Variants in LPP observed in about 807,000 individuals in gnomAD.
LPP encodes the protein lipoma-preferred partner.
LPP carries 38 observed loss-of-function variants against 60.4 expected under a neutral mutation model. The observed-to-expected ratio is 0.63, with a 90% CI of 0.49 to 0.83. The LOEUF (loss-of-function observed/expected upper bound fraction) is 0.83. LPP is among the 40% of genes least tolerant of loss of function. LPP has a pLI of 0.00. For synonymous variants in LPP, 328 were observed against 290.8 expected (o/e 1.13, Z -1.30); for missense variants, 902 against 783.6 (o/e 1.15, Z -1.80).
At chr3:188,193,128 C>A (rs935494880) in intron 1 of LPP, among the ~76,000 whole-genome samples, 2 of 152,124 alleles carry the variant, frequency 1.3e-5, no homozygotes, top group Non-Finnish European at 2.9e-5. Flanking sequence ...TTTGGCCTGT[C>A]CTATAACTTG....
At chr3:188,397,978 G>A (rs1443890358) in intron 3 of LPP, among the ~76,000 whole-genome samples, 2 of 152,134 alleles carry the variant, frequency 1.3e-5, no homozygotes, top group African/African-American at 2.4e-5. Context: ...CTCCCTTGCT[G>A]CTTCGTAGTT....
chr3:188,351,802 T>C lies in LPP; in HGVS notation c.-10+10083T>C, dbSNP rs115083408. The stretch of plus-strand genomic sequence containing the variant: ...TGGCTCTTCTAAGGGATATGGATTG[T>C]AGAGACTGTGAAAATAAGCAGAAGT... On this transcript the variant is annotated intron_variant, in intron 3 of 11. Transcript: ENST00000617246. Among the ~76,000 whole-genome samples the C allele has an allele frequency of 1.0e-3, 153 of 152,244 alleles. 1 individual carries two copies. Among genetic ancestry groups the C allele is most frequent in the African/African-American group, 3.5e-3 (147 of 41,536 alleles).
At chr3:188,789,980 C>A (rs746426203) in intron 9 of LPP, among the ~76,000 whole-genome samples, 3 of 152,138 alleles carry the variant, frequency 2.0e-5, no homozygotes, top group Non-Finnish European at 2.9e-5. Flanking sequence ...ATTAATACAA[C>A]CTTTTCGAAA....
chr3:188,796,751 T>G (rs1210931507), intron 9 of LPP, among the ~76,000 whole-genome samples: 1 of 152,202 alleles, frequency 6.6e-6, no homozygotes, highest in Non-Finnish European at 1.5e-5. Context: ...CCATATTTCT[T>G]CTGCTAGCCA....
chr3:188,377,187 G>T (rs1175029004), intron 3 of LPP, among the ~76,000 whole-genome samples: 17 of 152,074 alleles, frequency 1.1e-4, no homozygotes, highest in Admixed American at 9.8e-4. Flanking sequence ...ATATGTCTTG[G>T]AGTTGCTCTT....
chr3:188,231,536 C>T (rs778793684), intron 2 of LPP, among the ~76,000 whole-genome samples: 6 of 152,104 alleles, frequency 3.9e-5, no homozygotes, highest in Non-Finnish European at 7.4e-5. Flanking sequence ...CCCTCCTCAG[C>T]GGTAGAGCTT....
chr3:188,838,160 G>A (rs899790755), intron 9 of LPP, among the ~76,000 whole-genome samples: 3 of 152,012 alleles, frequency 2.0e-5, no homozygotes, highest in African/African-American at 7.3e-5. Flanking sequence ...TTTTAACATT[G>A]TAGTATTGGT....
chr3:188,804,243 T>TTATATATATATATGTATATATA (rs1748272562), intron 9 of LPP, among the ~76,000 whole-genome samples: 1 of 37,698 alleles, frequency 2.7e-5, no homozygotes, highest in South Asian at 1.4e-3. Flanking sequence ...TAGTGCATCT[T>TTATATATATATATGTATATATA]TATATATATA....
intron 9 of LPP, among the ~76,000 whole-genome samples, chr3:188,847,781 T>C (rs73888940): frequency 0.025 from 3,749 of 152,284 alleles, 151 homozygotes; most frequent in African/African-American, 0.085. Flanking sequence ...TATTTTACAA[T>C]GGAAAAGTAG....
intron 5 of LPP, among the ~76,000 whole-genome samples, chr3:188,494,351 C>A (rs778338928): frequency 6.6e-5 from 10 of 152,130 alleles, no homozygotes; most frequent in Non-Finnish European, 1.3e-4. Flanking sequence ...TTCTCAAGCC[C>A]CTTTGATTTC....
At chr3:188,495,100 TA>T (rs869082653) in intron 5 of LPP, among the ~76,000 whole-genome samples, 3 of 68,908 alleles carry the variant, frequency 4.4e-5, no homozygotes, top group Non-Finnish European at 9.8e-5. Flanking sequence ...TATATTTTAT[TA>T]TATATTTTTA....
intron 2 of LPP, among the ~76,000 whole-genome samples, chr3:188,254,732 A>G (rs187362817): frequency 9.2e-5 from 14 of 151,878 alleles, no homozygotes; most frequent in East Asian, 5.8e-4. Flanking sequence ...GATTCCTTCA[A>G]TGCCTCTCCT....
chr3:188,189,386 C>G (rs1235998087), intron 1 of LPP, among the ~76,000 whole-genome samples: 1 of 152,196 alleles, frequency 6.6e-6, no homozygotes, highest in African/African-American at 2.4e-5. Flanking sequence ...CCGCACTAGG[C>G]CCATAAGGAA....
chr3:188,581,334 T>G (rs1025421589), intron 6 of LPP, among the ~76,000 whole-genome samples: 2 of 152,100 alleles, frequency 1.3e-5, no homozygotes, highest in African/African-American at 2.4e-5. Context: ...TCGGGCACAC[T>G]TGGACCTGGA....
chr3:188,765,848 T>C (rs1380675069), intron 9 of LPP, among the ~76,000 whole-genome samples: 2 of 144,216 alleles, frequency 1.4e-5, no homozygotes, highest in South Asian at 2.2e-4. Flanking sequence ...AACGTGCAAC[T>C]TAATGTTCAA....
At chr3:188,441,604 C>CTTTTTTTT (rs1793873957) in intron 4 of LPP, among the ~76,000 whole-genome samples, 1 of 39,972 alleles carries the variant, frequency 2.5e-5, no homozygotes, top group Non-Finnish European at 4.8e-5. Context: ...TTTTTCTTTT[C>CTTTTTTTT]TTTTCTTTTT....
At chr3:188,629,998 T>G (rs1580524874) in intron 7 of LPP, among the ~76,000 whole-genome samples, 2 of 152,186 alleles carry the variant, frequency 1.3e-5, no homozygotes, top group East Asian at 3.9e-4. Flanking sequence ...ACGTAAGACC[T>G]AAATCTATAA....
At chr3:188,662,505 A>T (rs781093247) in intron 7 of LPP, among the ~76,000 whole-genome samples, 2 of 152,244 alleles carry the variant, frequency 1.3e-5, no homozygotes, top group Non-Finnish European at 2.9e-5. Flanking sequence ...TATTCTTTAG[A>T]AAGGCAGAGT....
intron 9 of LPP, among the ~76,000 whole-genome samples, chr3:188,829,510 T>C (rs1577840399): frequency 6.6e-6 from 1 of 152,204 alleles, no homozygotes; most frequent in African/African-American, 2.4e-5. Context: ...CACTTTGCAG[T>C]TGAAGACCCA....
Sources: allele counts gnomAD v4.1 joint callset (sites outside exome capture counted in the v4.1 genomes callset), GRCh38; gene constraint gnomAD v4.1.1; transcripts MANE v1.5; gene names NCBI Gene and HGNC (gene_info 2026-07-23, HGNC 2026-07-21).